The following NEGR1 variants were observed in gnomAD, a reference collection of about 807,000 sequenced individuals.
NEGR1 encodes the protein neuronal growth regulator 1.
NEGR1 carries 10 observed loss-of-function variants against 40.9 expected under a neutral mutation model. The ratio of observed to expected loss-of-function variants is 0.24; its 90% CI spans 0.15 to 0.42. NEGR1 has a LOEUF of 0.42. Among genes scored for constraint, NEGR1 ranks in the 10% least tolerant of loss-of-function variants. The pLI, the probability that NEGR1 is intolerant of heterozygous loss-of-function variation, is 1.00. For synonymous variants in NEGR1, 185 were observed against 166.8 expected (o/e 1.11, Z -0.84); for missense variants, 352 against 438.9 (o/e 0.80, Z 1.77).
chr1:71,728,012 A>G (rs1242346201), intron 3 of NEGR1, among the ~76,000 whole-genome samples: 2 of 152,182 alleles, frequency 1.3e-5, no homozygotes, highest in African/African-American at 4.8e-5. Context: ...GCAAGAAGTC[A>G]TAAGCCTGGA....
chr1:71,622,104 C>T (rs143282448), intron 4 of NEGR1, among the ~76,000 whole-genome samples: 13 of 151,990 alleles, frequency 8.6e-5, no homozygotes, highest in Non-Finnish European at 1.3e-4. Context: ...AGTGATGCAT[C>T]CACTGTAAAA....
intron 3 of NEGR1, among the ~76,000 whole-genome samples, chr1:71,742,365 C>T (rs1322562467): frequency 3.3e-5 from 5 of 152,092 alleles, no homozygotes; most frequent in African/African-American, 1.2e-4. Flanking sequence ...ATAACTGCCC[C>T]AGTGGGTGCA....
chr1:71,458,098 C>T (rs1354211039), intron 6 of NEGR1, among the ~76,000 whole-genome samples: 1 of 152,154 alleles, frequency 6.6e-6, no homozygotes, highest in African/African-American at 2.4e-5. Context: ...ATCTATTTAA[C>T]TGCAAAGTTT....
chr1:72,076,504 C>A (rs989127544), intron 1 of NEGR1, among the ~76,000 whole-genome samples: 7 of 142,432 alleles, frequency 4.9e-5, no homozygotes, highest in Non-Finnish European at 7.7e-5. Context: ...CATTCCCCCC[C>A]ATCCCCACCC....
intron 2 of NEGR1, among the ~76,000 whole-genome samples, chr1:71,847,129 A>G (rs186140075): frequency 9.9e-5 from 15 of 152,282 alleles, no homozygotes; most frequent in African/African-American, 3.4e-4. Flanking sequence ...GGCTTTGGAT[A>G]TCAAGTCAGA....
intron 4 of NEGR1, among the ~76,000 whole-genome samples, chr1:71,680,822 A>G (rs1030804659): frequency 6.6e-6 from 1 of 152,180 alleles, no homozygotes; most frequent in Non-Finnish European, 1.5e-5. Flanking sequence ...AATATATTGT[A>G]TTTGCCTAAT....
At chr1:72,036,686 C>T (rs61767491) in intron 1 of NEGR1, among the ~76,000 whole-genome samples, 25,206 of 146,952 alleles carry the variant, frequency 0.17, 2,792 homozygotes, top group East Asian at 0.44. Context: ...TATTAAATTA[C>T]ACAAATGGAA....
At chr1:71,749,162 T>A (rs1293397208) in intron 3 of NEGR1, among the ~76,000 whole-genome samples, 1 of 152,190 alleles carries the variant, frequency 6.6e-6, no homozygotes. Context: ...TGATGCAATA[T>A]GGAAGAGGAT....
At chr1:71,619,941 C>A (rs1446581481) in intron 4 of NEGR1, among the ~76,000 whole-genome samples, 1 of 152,034 alleles carries the variant, frequency 6.6e-6, no homozygotes, top group Non-Finnish European at 1.5e-5. Flanking sequence ...TTCTCTCATG[C>A]CATCCTCAAT....
intron 4 of NEGR1, among the ~76,000 whole-genome samples, chr1:71,675,803 G>GTT (rs1553157806): frequency 3.5e-4 from 16 of 46,200 alleles, no homozygotes; most frequent in East Asian, 1.6e-3. Flanking sequence ...TTTGTTTTTT[G>GTT]TTTTTTTTTT....
intron 4 of NEGR1, among the ~76,000 whole-genome samples, chr1:71,653,783 A>C (rs1339081637): frequency 2.6e-5 from 4 of 151,578 alleles, no homozygotes; most frequent in African/African-American, 9.7e-5. Context: ...TATCATGAAC[A>C]TTTCAAGATA....
chr1:71,597,472 C>CTCTCTCTGTGTG (rs756076229), intron 5 of NEGR1, among the ~76,000 whole-genome samples: 17 of 31,314 alleles, frequency 5.4e-4, no homozygotes, highest in African/African-American at 1.0e-3. Context: ...CTCTCTCTCT[C>CTCTCTCTGTGTG]TGTGTGTGTG....
At chr1:72,126,962 A>T (rs1394248124) in intron 1 of NEGR1, among the ~76,000 whole-genome samples, 1 of 152,196 alleles carries the variant, frequency 6.6e-6, no homozygotes, top group Non-Finnish European at 1.5e-5. Context: ...TCTGCACACA[A>T]ATCCGACTTT....
At chr1:72,159,835 T>C (rs542853921) in intron 1 of NEGR1, among the ~76,000 whole-genome samples, 26 of 152,298 alleles carry the variant, frequency 1.7e-4, no homozygotes, top group Non-Finnish European at 3.5e-4. Context: ...GTTCACATTT[T>C]GTATCTTTTA....
chr1:71,531,161 A>G (rs72677109), intron 6 of NEGR1, among the ~76,000 whole-genome samples: 79 of 151,466 alleles, frequency 5.2e-4, no homozygotes, highest in Non-Finnish European at 9.9e-4. Flanking sequence ...TACTGAAAAA[A>G]TAATCTCACT....
At chr1:72,049,889 T>A (rs1037131242) in intron 1 of NEGR1, among the ~76,000 whole-genome samples, 1 of 151,588 alleles carries the variant, frequency 6.6e-6, no homozygotes, top group South Asian at 2.1e-4. Context: ...ATGGCTAAGG[T>A]AATGCATATC....
intron 3 of NEGR1, chr1:71,703,471 A>T (rs1457645078): frequency 1.3e-5 from 2 of 151,784 alleles, no homozygotes; most frequent in Non-Finnish European, 2.9e-5. Flanking sequence ...AAAAACAGTC[A>T]ATAGAAAGAG....
At chr1:71,792,933 T>C (rs1657169115) in intron 2 of NEGR1, among the ~76,000 whole-genome samples, 1 of 152,002 alleles carries the variant, frequency 6.6e-6, no homozygotes, top group South Asian at 2.1e-4. Context: ...ATTTTCCTCT[T>C]CTTGGCAGAC....
chr1:72,089,666 C>T (rs1648384942), intron 1 of NEGR1, among the ~76,000 whole-genome samples: 1 of 152,022 alleles, frequency 6.6e-6, no homozygotes, highest in South Asian at 2.1e-4. Context: ...ACATCAATAA[C>T]TTCTATATAA....
Sources: allele counts gnomAD v4.1 joint callset (sites outside exome capture counted in the v4.1 genomes callset), GRCh38; gene constraint gnomAD v4.1.1; transcripts MANE v1.5; gene names NCBI Gene and HGNC (gene_info 2026-07-23, HGNC 2026-07-21).